The following DLG2 variants were observed in gnomAD, a reference collection of about 807,000 sequenced individuals.
The protein encoded by DLG2 is discs large MAGUK scaffold protein 2.
In DLG2, 45 loss-of-function variants were observed where a neutral mutation model predicts 132.5. The ratio of observed to expected loss-of-function variants is 0.34; its 90% CI spans 0.27 to 0.44. The LOEUF (loss-of-function observed/expected upper bound fraction) is 0.44, where lower values mean the gene tolerates loss of function less well. Among genes scored for constraint, DLG2 ranks in the 20% least tolerant of loss-of-function variants. The probability of loss-of-function intolerance (pLI) is 1.00; values close to 1 mark genes in which losing one functional copy is unlikely to be tolerated. For synonymous variants in DLG2, 424 were observed against 419.6 expected (o/e 1.01, Z -0.13); for missense variants, 1,045 against 1,196.9 (o/e 0.87, Z 1.87).
At chr11:85,227,440 T>C (rs1160994024) in intron 4 of DLG2, among the ~76,000 whole-genome samples, 1 of 152,078 alleles carries the variant, frequency 6.6e-6, no homozygotes, top group East Asian at 1.9e-4. Flanking sequence ...GATATACAAC[T>C]ATTAAAAATA....
chr11:83,574,365 C>A (rs1007991042), intron 19 of DLG2, among the ~76,000 whole-genome samples: 3 of 152,042 alleles, frequency 2.0e-5, no homozygotes, highest in Non-Finnish European at 4.4e-5. Flanking sequence ...CTAAACTTAT[C>A]CCAAGTATAT....
intron 4 of DLG2, among the ~76,000 whole-genome samples, chr11:85,239,308 C>G (rs375403250): frequency 2.0e-5 from 3 of 152,076 alleles, no homozygotes; most frequent in Non-Finnish European, 4.4e-5. Context: ...ACATTTCTCT[C>G]AACTGCAAAT....
chr11:84,671,519 C>G (rs949326107), intron 6 of DLG2, among the ~76,000 whole-genome samples: 2 of 152,092 alleles, frequency 1.3e-5, no homozygotes, highest in Admixed American at 6.6e-5. Context: ...AGTTGTACAG[C>G]CTTCTGCTCT....
At chr11:83,470,278 TTAAA>T (rs1565351810) in intron 24 of DLG2, among the ~76,000 whole-genome samples, 1 of 152,032 alleles carries the variant, frequency 6.6e-6, no homozygotes, top group Non-Finnish European at 1.5e-5. Context: ...ATATAAAATT[TTAAA>T]TAAGCAAAAA....
At chr11:84,328,848 A>C (rs143077320) in intron 7 of DLG2, among the ~76,000 whole-genome samples, 1 of 152,192 alleles carries the variant, frequency 6.6e-6, no homozygotes, top group African/African-American at 2.4e-5. Flanking sequence ...TTTCCAATTC[A>C]CATTTAATTA....
intron 6 of DLG2, among the ~76,000 whole-genome samples, chr11:84,556,285 A>G (rs2099411806): frequency 6.6e-6 from 1 of 152,094 alleles, no homozygotes; most frequent in Non-Finnish European, 1.5e-5. Flanking sequence ...GTATAAAGAT[A>G]CTCTGTGTTA....
intron 6 of DLG2, among the ~76,000 whole-genome samples, chr11:84,858,101 C>T (rs1257760118): frequency 6.6e-6 from 1 of 152,038 alleles, no homozygotes; most frequent in African/African-American, 2.4e-5. Context: ...CCATGCTGCC[C>T]AGGCTGGTCA....
intron 6 of DLG2, among the ~76,000 whole-genome samples, chr11:84,641,105 T>C (rs925325662): frequency 1.2e-4 from 18 of 152,220 alleles, no homozygotes; most frequent in African/African-American, 4.3e-4. Context: ...CATGGTCTCT[T>C]TTCCTTAACA....
chr11:84,944,629 G>C (rs1350054579), intron 6 of DLG2, among the ~76,000 whole-genome samples: 3 of 129,654 alleles, frequency 2.3e-5, no homozygotes, highest in Admixed American at 1.7e-4. Context: ...TTTTGAGACA[G>C]AGTCTCACTC....
At chr11:85,256,915 T>C (rs2076699610) in intron 4 of DLG2, among the ~76,000 whole-genome samples, 1 of 152,240 alleles carries the variant, frequency 6.6e-6, no homozygotes, top group Admixed American at 6.5e-5. Context: ...ATATAGAATG[T>C]TGTATAATTA....
intron 6 of DLG2, among the ~76,000 whole-genome samples, chr11:84,904,816 A>G (rs139424855): frequency 3.1e-4 from 47 of 152,314 alleles, no homozygotes; most frequent in African/African-American, 1.1e-3. Flanking sequence ...ACAATTTCTT[A>G]CATTTTCACG....
At chr11:85,367,231 G>T (rs147686579) in intron 3 of DLG2, among the ~76,000 whole-genome samples, 64 of 152,240 alleles carry the variant, frequency 4.2e-4, no homozygotes, top group African/African-American at 1.5e-3. Context: ...TATGAGGGAT[G>T]ATTGTTCAAA....
At chr11:83,667,993 A>AAAAAAG (rs2075992139) in intron 18 of DLG2, among the ~76,000 whole-genome samples, 1 of 147,738 alleles carries the variant, frequency 6.8e-6, no homozygotes, top group Non-Finnish European at 1.5e-5. Context: ...AAAAAAAAAA[A>AAAAAAG]AAAAGAAATT....
intron 16 of DLG2, among the ~76,000 whole-genome samples, chr11:83,857,621 A>T (rs555338782): frequency 8.5e-5 from 13 of 152,300 alleles, no homozygotes; most frequent in Middle Eastern, 3.4e-3. Flanking sequence ...TCATTATACG[A>T]TTGTCCAAAC....
chr11:83,699,178 A>G (rs1420591488), intron 18 of DLG2, among the ~76,000 whole-genome samples: 1 of 151,848 alleles, frequency 6.6e-6, no homozygotes, highest in Non-Finnish European at 1.5e-5. Context: ...TGTCCCCAAT[A>G]TATCACATGA....
intron 19 of DLG2, among the ~76,000 whole-genome samples, chr11:83,577,680 A>G (rs1238830345): frequency 1.6e-5 from 2 of 126,344 alleles, no homozygotes; most frequent in East Asian, 4.4e-4. Context: ...TATCCTATTT[A>G]TATCCTATAA....
chr11:85,589,945 T>A (rs975360456), intron 3 of DLG2, among the ~76,000 whole-genome samples: 4 of 152,124 alleles, frequency 2.6e-5, no homozygotes, highest in Admixed American at 6.6e-5. Flanking sequence ...TTGCGTAGTA[T>A]CTAAACATTT....
chr11:84,019,719 C>T (rs888198781), intron 11 of DLG2, among the ~76,000 whole-genome samples: 12 of 152,058 alleles, frequency 7.9e-5, no homozygotes, highest in East Asian at 1.9e-4. Context: ...GAGAATGACA[C>T]GTGAAGACCG....
At chr11:84,767,705 C>T (rs1162687286) in intron 6 of DLG2, among the ~76,000 whole-genome samples, 1 of 151,780 alleles carries the variant, frequency 6.6e-6, no homozygotes, top group Non-Finnish European at 1.5e-5. Context: ...CACAAGAGGT[C>T]CCCTATGCAG....
Sources: gnomAD v4.1 joint callset for allele counts (sites outside exome capture counted in the v4.1 genomes callset) on GRCh38, gnomAD v4.1.1 for gene constraint, MANE v1.5 for transcripts, NCBI Gene and HGNC (gene_info 2026-07-23, HGNC 2026-07-21) for gene names.